Variants in LRP1 observed in about 807,000 individuals in gnomAD.
LRP1 encodes the protein prolow-density lipoprotein receptor-related protein 1.
Under a neutral mutation model 541.5 loss-of-function variants are expected in LRP1, and 51 were observed. That is an observed-to-expected ratio of 0.09 (90% CI 0.08 to 0.12). LRP1 has a LOEUF of 0.12. Ranked by LOEUF, LRP1 falls within the 10% of genes least tolerant of loss-of-function variation. The probability of loss-of-function intolerance (pLI) is 1.00; values close to 1 mark genes in which losing one functional copy is unlikely to be tolerated. For missense variants in LRP1, 3,878 were observed against 6,376.2 expected (o/e 0.61, Z 13.34); for synonymous variants, 2,219 against 2,470.8 (o/e 0.90, Z 3.02).
chr12:57,206,391 A>G lies in LRP1; in HGVS notation c.11591-82A>G, dbSNP rs1029364474. ...AGATGGTCCTACCAGGAGATGGGAC[A>G]GTGTTCATGTGAAAGGAGCTGAGCT... On this transcript the variant is annotated intron_variant, in intron 75 of 88. Transcript: ENST00000243077. The surrounding 1 kb of genome is among the most constrained non-coding windows in gnomAD (Gnocchi z 4.7). The G allele has an allele frequency of 2.4e-5, 33 of 1,381,792 alleles. No individual in the cohort carries two copies. The African/African-American group carries it at 4.1e-4, about 17-fold the overall frequency. 85.6% of individuals were successfully genotyped at this position (1,381,792 alleles called of 1,614,324 possible). A position where few individuals can be genotyped will look rare whatever the true frequency, so the allele number is the denominator to read the frequency against.
chr12:57,183,702 C>G lies in LRP1; in HGVS notation c.5795-73C>G. On this transcript the variant is annotated intron_variant, in intron 35 of 88. Transcript: ENST00000243077. The surrounding 1 kb of genome is among the most constrained non-coding windows in gnomAD (Gnocchi z 6.1). Reference sequence around the variant, plus strand: ...GGCACTCTCTCACCTCTGTCTTGAGCCTTGTGAGATTTTGACCCCTCACCT... The same window carrying G: ...GGCACTCTCTCACCTCTGTCTTGAGGCTTGTGAGATTTTGACCCCTCACCT... 6.3e-7 allele frequency: 1 copy of G among 1,587,276 alleles called. No individual in the cohort carries two copies. Among genetic ancestry groups the G allele is most frequent in the South Asian group, 1.1e-5 (1 of 89,026 alleles).
Position 57,190,793 on chromosome 12 carries a change from C to T in LRP1, c.7032-12C>T, listed in dbSNP as rs1258578487. 3.1e-6 allele frequency: 5 copies of T among 1,612,932 alleles called. No homozygotes were observed. Among genetic ancestry groups the T allele is most frequent in the East Asian group, 2.2e-5 (1 of 44,870 alleles). On this transcript the variant is annotated splice_polypyrimidine_tract_variant and intron_variant, in intron 42 of 88. Transcript: ENST00000243077. ...GGCTTTGCCTCCTGATCTCTGGACC[C>T]TCTTCCCCCAGCCTCATGTTCTGGA...
rs1008460806 is a variant in LRP1, at chr12:57,205,522, A to C, written c.11471-36A>C. On this transcript the variant is annotated intron_variant, in intron 74 of 88. Coordinates refer to ENST00000243077, the MANE Select transcript of LRP1 (RefSeq NM_002332.3). This position sits in a 1 kb window ranked among gnomAD's most constrained non-coding sequence, Gnocchi z 4.6. ...GGGCAGAGCAGGGGTGGACACCCCA[A>C]CTGTGGACTCTCATGACCCTCCCTG... 1.2e-6 allele frequency: 2 copies of C among 1,613,524 alleles called. No individual in the cohort carries two copies. Among genetic ancestry groups the C allele is most frequent in the Non-Finnish European group, 8.5e-7 (1 of 1,179,682 alleles).
chr12:57,181,098 C>T lies in LRP1; in HGVS notation c.5528-59C>T, dbSNP rs181359374. On this transcript the variant is annotated intron_variant, in intron 33 of 88. Transcript: ENST00000243077. ...CTGTTTCTGAGCAGCCCAAGCCTGA[C>T]CCTGAGGTCCCAAGGAGGGCCACCT... is the stretch of plus-strand genomic sequence containing the variant. 401 of 1,583,084 alleles carry T rather than the reference C, an allele frequency of 2.5e-4. 2 individuals are homozygous for T. Among genetic ancestry groups the T allele is most frequent in the Non-Finnish European group, 4.3e-6 (5 of 1,163,920 alleles).
chr12:57,213,247 G>T lies in LRP1; in HGVS notation c.*692G>T, dbSNP rs1019733355. Reference sequence around the variant, plus strand: ...TGGGCCACACCCAGGAAGGGAAAGCGGGCAGCCCCGTTTTGGGGACGTGAA... The same window carrying T: ...TGGGCCACACCCAGGAAGGGAAAGCTGGCAGCCCCGTTTTGGGGACGTGAA... On this transcript the variant is annotated 3_prime_UTR_variant, in exon 89 of 89. Coordinates refer to ENST00000243077, the MANE Select transcript of LRP1 (RefSeq NM_002332.3). 2.0e-5 allele frequency: 3 copies of T among 149,456 alleles called. No individual in the cohort carries two copies. The highest frequency in any genetic ancestry group is 7.4e-5 in the African/African-American group (3 of 40,390). 9.3% of individuals were successfully genotyped at this position (149,456 alleles called of 1,614,324 possible).
At chr12:57,133,799 A>C (rs972671974) in intron 1 of LRP1, among the ~76,000 whole-genome samples, 1 of 152,024 alleles carries the variant, frequency 6.6e-6, no homozygotes, top group Non-Finnish European at 1.5e-5. Flanking sequence ...ATGCTTTTGC[A>C]GTCCCTGAGT....
In LRP1 at chr12:57,201,711, A is replaced by T. The variant is rs2036659898; in HGVS notation, c.10469-69A>T. ...TGACCCCCTCAGTGGCTGCTCCCTC[A>T]CTCTCCCCACCCTCCCGGCACACTC... On this transcript the variant is annotated intron_variant, in intron 66 of 88. Coordinates refer to ENST00000243077, the MANE Select transcript of LRP1 (RefSeq NM_002332.3). This position sits in a 1 kb window ranked among gnomAD's most constrained non-coding sequence, Gnocchi z 6.4. 6.3e-7 allele frequency: 1 copy of T among 1,589,182 alleles called. No homozygotes were observed. Among genetic ancestry groups the T allele is most frequent in the African/African-American group, 1.4e-5 (1 of 72,610 alleles).
At chr12:57,141,602 A>ACC in intron 3 of LRP1, 91 bp downstream of exon 3, 1 of 1,506,134 alleles carries the variant, frequency 6.6e-7, no homozygotes, top group Non-Finnish European at 9.1e-7. Flanking sequence ...TTCAGTGGGG[A>ACC]TGAGGCCTTG....
intron 19 of LRP1, 151 bp from the exon 20 acceptor site, chr12:57,168,989 G>C (rs1447157741): frequency 1.5e-6 from 1 of 660,800 alleles, no homozygotes; most frequent in East Asian, 2.7e-5. Context: ...AGTCTATGCA[G>C]TTTCTGTGTC....
chr12:57,154,827 C>A lies in LRP1; in HGVS notation c.1227+126C>A. 1 of 855,630 alleles carries A rather than the reference C, an allele frequency of 1.2e-6. No homozygotes were observed. Among genetic ancestry groups the A allele is most frequent in the Non-Finnish European group, 1.9e-6 (1 of 525,618 alleles). 53.0% of individuals were successfully genotyped at this position (855,630 alleles called of 1,614,324 possible). A position where few individuals can be genotyped will look rare whatever the true frequency, so the allele number is the denominator to read the frequency against. On this transcript the variant is annotated intron_variant, in intron 8 of 88. Transcript: ENST00000243077. The surrounding 1 kb of genome is among the most constrained non-coding windows in gnomAD (Gnocchi z 4.6). ...GGTAAAGAGCGTGGATGCCCCAGGC[C>A]TCTAGTGGGAGTGGGGTGGGCTTGA...
Position 57,173,064 on chromosome 12 carries a change from C to T in LRP1, c.3164-104C>T, listed in dbSNP as rs988778510. 3 of 926,452 alleles carry T rather than the reference C, an allele frequency of 3.2e-6. No individual in the cohort carries two copies. The highest frequency in any genetic ancestry group is 3.3e-5 in the African/African-American group (2 of 60,494). The allele number at this position is 926,452 out of a possible 1,614,324, so 57.4% of individuals were successfully genotyped here. A position where few individuals can be genotyped will look rare whatever the true frequency, so the allele number is the denominator to read the frequency against. The stretch of plus-strand genomic sequence containing the variant: ...GGCAGACTCTCCAGGCCTGCCTCTG[C>T]TCATATCCCCAGGCTGGGCTTACCG... On this transcript the variant is annotated intron_variant, in intron 20 of 88. Coordinates refer to ENST00000243077, the MANE Select transcript of LRP1 (RefSeq NM_002332.3). This position sits in a 1 kb window ranked among gnomAD's most constrained non-coding sequence, Gnocchi z 4.7.
At position 57,189,909 on chromosome 12, in the gene LRP1, C is replaced by T. The variant is rs751305111; in HGVS notation, c.7032-896C>T. Reference sequence around the variant, plus strand: ...GGACCCAGGGCTCACCATCCAATGCCGGTGGTCCAAGGACCACTCTGTCAC... The same window carrying T: ...GGACCCAGGGCTCACCATCCAATGCTGGTGGTCCAAGGACCACTCTGTCAC... On this transcript the variant is annotated intron_variant, in intron 42 of 88. Transcript: ENST00000243077. This position sits in a 1 kb window ranked among gnomAD's most constrained non-coding sequence, Gnocchi z 4.4. Among the ~76,000 whole-genome samples the T allele has an allele frequency of 2.0e-5, 3 of 152,060 alleles. No individual in the cohort carries two copies. Among genetic ancestry groups the T allele is most frequent in the African/African-American group, 4.8e-5 (2 of 41,368 alleles).
rs149488896 is a variant in LRP1 at position 57,205,582 on chromosome 12, G to C, written c.11495G>C (p.Gly3832Ala). The stretch of plus-strand genomic sequence containing the variant: ...GACATCAACGAGTGCCTGCGCTTCG[G>C]CACCTGCTCCCAGCTCTGCAACAAC... Reference protein sequence around the residue: ...CQDINECLRFGTCSQLCNNTK... With the variant: ...CQDINECLRFATCSQLCNNTK... The change falls in exon 75 of 89, where the codon GGC becomes GCC. Residue 3832 changes from glycine to alanine, a missense_variant. By Grantham distance (60) the Gly-to-Ala change is moderately conservative. Transcript: ENST00000243077. The surrounding 1 kb of genome is among the most constrained non-coding windows in gnomAD (Gnocchi z 4.6). The C allele has an allele frequency of 9.8e-4, 1,588 of 1,613,804 alleles. 2 individuals are homozygous for C. The highest frequency in any genetic ancestry group is 1.3e-3 in the Non-Finnish European group (1,508 of 1,180,010).
Position 57,212,276 on chromosome 12 carries a change from G to T in LRP1, c.13494+15G>T, listed in dbSNP as rs35021926. The T allele has an allele frequency of 7.3e-5, 118 of 1,612,386 alleles. 1 individual carries two copies. In the East Asian group the frequency reaches 2.5e-3, roughly 35 times the overall value. Reference sequence around the variant, plus strand: ...ACCCTGACAAGGTGGGCTGGGAGGCGGGCAGGGTCGAGTGCCAAGAGGCCG... The same window carrying T: ...ACCCTGACAAGGTGGGCTGGGAGGCTGGCAGGGTCGAGTGCCAAGAGGCCG... On this transcript the variant is annotated intron_variant, in intron 88 of 88. Transcript: ENST00000243077. This position sits in a 1 kb window ranked among gnomAD's most constrained non-coding sequence, Gnocchi z 5.0.
At chr12:57,160,148 G>A (rs1435194245) in intron 12 of LRP1, 143 bp downstream of exon 12, 9 of 754,176 alleles carry the variant, frequency 1.2e-5, no homozygotes, top group Admixed American at 5.1e-5. Context: ...AGGGGAGAAG[G>A]AGTCCCTGTC....
rs7956957 is a variant in LRP1, at chr12:57,209,032, C to G, written c.12146-51C>G. On this transcript the variant is annotated intron_variant, in intron 78 of 88. Transcript: ENST00000243077. ...GGCATGGAGGCAGTTCTTTCCACCCCGAGCCTGGGTTGGGGAGGCCAAGCT... is the reference window on the plus strand; with the variant it reads ...GGCATGGAGGCAGTTCTTTCCACCCGGAGCCTGGGTTGGGGAGGCCAAGCT... 0.63 allele frequency: 923,073 copies of G among 1,469,804 alleles called. 297,695 individuals are homozygous for G. Among genetic ancestry groups the G allele is most frequent in the South Asian group, 0.76 (66,364 of 87,450 alleles). The allele number at this position is 1,469,804 out of a possible 1,614,324, so 91.0% of individuals were successfully genotyped here. A position where few individuals can be genotyped will look rare whatever the true frequency, so the allele number is the denominator to read the frequency against.
rs746382028 is a variant in LRP1, at chr12:57,193,926, G to A, written c.7832G>A (p.Arg2611His). 1.6e-5 allele frequency: 26 copies of A among 1,614,102 alleles called. No individual in the cohort carries two copies. The highest frequency in any genetic ancestry group is 3.3e-4 in the Middle Eastern group (2 of 6,038). The change falls in exon 48 of 89, where the codon CGC becomes CAC. Residue 2611 changes from arginine (R) to histidine (H), a missense_variant. Arg to His is a conservative substitution (Grantham distance 29). This residue lies in a region of LRP1 where 1,100 missense variants were observed against 1,827.4 expected (regional missense o/e 0.60). Transcript: ENST00000243077. ...NKTACGVGEFRCRDGTCIGNS... is the reference protein window; with the variant it reads ...NKTACGVGEFHCRDGTCIGNS... ...ACAGCCTGTGGTGTGGGCGAGTTCCGCTGCCGGGACGGGACCTGCATCGGG... is the reference window on the plus strand; with the variant it reads ...ACAGCCTGTGGTGTGGGCGAGTTCCACTGCCGGGACGGGACCTGCATCGGG...
chr12:57,132,625 TTCTG>T (rs1046406235), intron 1 of LRP1, among the ~76,000 whole-genome samples: 24 of 152,020 alleles, frequency 1.6e-4, no homozygotes, highest in African/African-American at 5.3e-4. Flanking sequence ...CTGTCTGTCT[TTCTG>T]TCTGTCTGTC....
In LRP1 at chr12:57,197,473, C is replaced by A; in HGVS notation, c.9163-72C>A. The A allele has an allele frequency of 6.2e-7, 1 of 1,612,570 alleles. No individual in the cohort carries two copies. Among genetic ancestry groups the A allele is most frequent in the Non-Finnish European group, 8.5e-7 (1 of 1,178,864 alleles). ...AGTCTCCCCGCTTAGGTCCAACCAT[C>A]CCTCCCCCAGATGCAAATGTGGCCC... On this transcript the variant is annotated intron_variant, in intron 57 of 88. Coordinates refer to ENST00000243077, the MANE Select transcript of LRP1 (RefSeq NM_002332.3). The surrounding 1 kb of genome is among the most constrained non-coding windows in gnomAD (Gnocchi z 4.5).
Sources: gnomAD v4.1 joint callset for allele counts (sites outside exome capture counted in the v4.1 genomes callset) on GRCh38, gnomAD v4.1.1 for gene constraint, gnomAD v4.1.1 regional missense constraint, Gnocchi (gnomAD v3.1) non-coding constraint, MANE v1.5 for transcripts, NCBI Gene and HGNC (gene_info 2026-07-23, HGNC 2026-07-21) for gene names.